The following STX8 variants were observed in gnomAD, a reference collection of about 807,000 sequenced individuals.
The protein encoded by STX8 is syntaxin 8, also known as syntaxin-8.
Under a neutral mutation model 37.5 loss-of-function variants are expected in STX8, and 23 were observed. The observed-to-expected ratio is 0.61, with a 90% confidence interval of 0.44 to 0.87. The LOEUF is 0.87. STX8 is among the 40% of genes least tolerant of loss of function. The probability of loss-of-function intolerance (pLI) is 0.00; values close to 1 mark genes in which losing one functional copy is unlikely to be tolerated. For synonymous variants in STX8, 115 were observed against 99.1 expected (o/e 1.16, Z -0.95); for missense variants, 313 against 284.7 (o/e 1.10, Z -0.71).
At chr17:9,516,571 T>C (rs957983446) in intron 4 of STX8, among the ~76,000 whole-genome samples, 1 of 151,994 alleles carries the variant, frequency 6.6e-6, no homozygotes, top group Admixed American at 6.5e-5. Context: ...TTTCACTCAC[T>C]GACCTTCACT....
chr17:9,302,387 T>A (rs1597592935), intron 7 of STX8, among the ~76,000 whole-genome samples: 1 of 152,360 alleles, frequency 6.6e-6, no homozygotes, highest in South Asian at 2.1e-4. Context: ...ACTGTTTATA[T>A]GCTTTCAAAT....
intron 3 of STX8, among the ~76,000 whole-genome samples, chr17:9,545,748 G>A (rs1906481473): frequency 6.6e-6 from 1 of 152,094 alleles, no homozygotes; most frequent in African/African-American, 2.4e-5. Context: ...AACCGGCTAA[G>A]TTTTGTATTT....
chr17:9,431,540 C>T (rs1480394424), intron 6 of STX8, among the ~76,000 whole-genome samples: 6 of 152,042 alleles, frequency 3.9e-5, no homozygotes, highest in Non-Finnish European at 8.8e-5. Context: ...TGTGATCCAC[C>T]TGCCTCGGCC....
intron 7 of STX8, among the ~76,000 whole-genome samples, chr17:9,309,179 C>G (rs1240023653): frequency 6.6e-6 from 1 of 152,138 alleles, no homozygotes; most frequent in African/African-American, 2.4e-5. Flanking sequence ...ACTGTTAGTC[C>G]TATCTCTAGA....
intron 7 of STX8, among the ~76,000 whole-genome samples, chr17:9,295,178 A>T (rs1045378531): frequency 6.6e-6 from 1 of 152,098 alleles, no homozygotes; most frequent in Non-Finnish European, 1.5e-5. Flanking sequence ...ACTCAGAGTC[A>T]CCTCTTCTAT....
At chr17:9,448,049 C>T (rs2142397457) in intron 6 of STX8, among the ~76,000 whole-genome samples, 1 of 151,864 alleles carries the variant, frequency 6.6e-6, no homozygotes, top group African/African-American at 2.4e-5. Context: ...GCGGTGTGCG[C>T]CTGTAGTCCC....
chr17:9,471,399 C>T (rs1001122607), intron 6 of STX8, among the ~76,000 whole-genome samples: 1 of 152,020 alleles, frequency 6.6e-6, no homozygotes, highest in Non-Finnish European at 1.5e-5. Context: ...GATCCACCTA[C>T]CTCGGCCTCC....
intron 7 of STX8, among the ~76,000 whole-genome samples, chr17:9,263,337 G>A (rs184431142): frequency 8.5e-5 from 13 of 152,154 alleles, no homozygotes; most frequent in African/African-American, 1.7e-4. Context: ...AAAATTAGCC[G>A]GGCATGGTGG....
intron 7 of STX8, among the ~76,000 whole-genome samples, chr17:9,319,299 G>A (rs1015211831): frequency 6.6e-6 from 1 of 151,942 alleles, no homozygotes; most frequent in Non-Finnish European, 1.5e-5. Flanking sequence ...GGTGCCTGTA[G>A]TCCCAGCTAC....
chr17:9,330,765 G>A (rs1909937784), intron 7 of STX8, among the ~76,000 whole-genome samples: 1 of 152,174 alleles, frequency 6.6e-6, no homozygotes, highest in African/African-American at 2.4e-5. Flanking sequence ...TTTCCAGGCT[G>A]AGCCCCTATT....
At chr17:9,388,887 G>C (rs547178474) in intron 6 of STX8, among the ~76,000 whole-genome samples, 7 of 149,482 alleles carry the variant, frequency 4.7e-5, no homozygotes, top group South Asian at 2.1e-4. Flanking sequence ...GATATCATTT[G>C]TATTTTTTCA....
At chr17:9,411,270 C>G (rs979411191) in intron 6 of STX8, among the ~76,000 whole-genome samples, 6 of 152,222 alleles carry the variant, frequency 3.9e-5, no homozygotes, top group Non-Finnish European at 7.3e-5. Context: ...TTCTCAATGT[C>G]TCTCTGATTA....
chr17:9,536,903 C>T (rs1292878278), intron 4 of STX8, among the ~76,000 whole-genome samples: 1 of 152,008 alleles, frequency 6.6e-6, no homozygotes, highest in Non-Finnish European at 1.5e-5. Context: ...GCCACCATGC[C>T]CGGCTAATTT....
At chr17:9,301,070 G>A (rs1056866503) in intron 7 of STX8, among the ~76,000 whole-genome samples, 1 of 151,910 alleles carries the variant, frequency 6.6e-6, no homozygotes, top group Non-Finnish European at 1.5e-5. Context: ...CTGACCTCGT[G>A]ATCCACCCGC....
In STX8 at chr17:9,358,038, A is replaced by G. The variant is rs1305320070; in HGVS notation, c.643+20514T>C. On this transcript the variant is annotated intron_variant, in intron 7 of 7. Coordinates refer to ENST00000306357, the MANE Select transcript of STX8 (RefSeq NM_004853.3). ...AAAAACATCTTTTAATAAGGAGCTG[A>G]AACCAAGTTGGGAGAAGGCTGCTTC... Among the ~76,000 whole-genome samples the G allele has an allele frequency of 2.6e-5, 4 of 152,182 alleles. No individual in the cohort carries two copies. In the East Asian group the frequency reaches 7.7e-4, roughly 29 times the overall value.
At chr17:9,367,076 T>C (rs1218106135) in intron 7 of STX8, among the ~76,000 whole-genome samples, 2 of 152,046 alleles carry the variant, frequency 1.3e-5, no homozygotes, top group Non-Finnish European at 1.5e-5. Context: ...CTTGGAAATA[T>C]ATATCAAAAG....
intron 7 of STX8, among the ~76,000 whole-genome samples, chr17:9,336,799 G>A (rs549382756): frequency 6.6e-6 from 1 of 152,014 alleles, no homozygotes; most frequent in Non-Finnish European, 1.5e-5. Context: ...AAAGCTTCAG[G>A]GTGAAATGGT....
intron 4 of STX8, among the ~76,000 whole-genome samples, chr17:9,544,844 T>C (rs1299822125): frequency 2.0e-5 from 3 of 151,786 alleles, no homozygotes; most frequent in African/African-American, 7.3e-5. Flanking sequence ...TACAAAAAAT[T>C]AGTCGGGCAC....
intron 6 of STX8, among the ~76,000 whole-genome samples, chr17:9,438,655 G>A (rs1271036814): frequency 1.3e-5 from 2 of 152,168 alleles, no homozygotes; most frequent in South Asian, 2.1e-4. Context: ...ACAGCCGGGC[G>A]TGGTGGCTCA....
Sources: gnomAD v4.1 joint callset for allele counts (sites outside exome capture counted in the v4.1 genomes callset) on GRCh38, gnomAD v4.1.1 for gene constraint, MANE v1.5 for transcripts, NCBI Gene and HGNC (gene_info 2026-07-23, HGNC 2026-07-21) for gene names.